NEDD4: variants seen among roughly 807,000 people sequenced by gnomAD.
NEDD4 encodes NEDD4 E3 ubiquitin protein ligase.
NEDD4 carries 99 observed loss-of-function variants against 144.9 expected under a neutral mutation model. That is an observed-to-expected ratio of 0.68 (90% CI 0.58 to 0.81). The LOEUF (loss-of-function observed/expected upper bound fraction) is 0.81, where lower values mean the gene tolerates loss of function less well. Ranked by LOEUF, NEDD4 falls within the 30% of genes least tolerant of loss-of-function variation. The pLI, the probability that NEDD4 is intolerant of heterozygous loss-of-function variation, is 0.00. For synonymous variants in NEDD4, 318 were observed against 350.6 expected, an observed-to-expected ratio of 0.91 and a Z score of 1.04; for missense variants, 985 against 1,065.9, an observed-to-expected ratio of 0.92 and a Z score of 1.06.
At chr15:55,856,907 A>C (rs34965600) in intron 11 of NEDD4, among the ~76,000 whole-genome samples, 6,669 of 152,334 alleles carry the variant, frequency 0.044, 244 homozygotes, top group East Asian at 0.17. Flanking sequence ...TTGAATCAGA[A>C]TATCCACTGT....
chr15:55,916,329 T>C, intron 5 of NEDD4: 1 of 1,614,002 alleles, frequency 6.2e-7, no homozygotes, highest in Non-Finnish European at 8.5e-7. Context: ...TGACCCAAAA[T>C]CACTACCGTT....
intron 4 of NEDD4, among the ~76,000 whole-genome samples, chr15:55,936,795 C>CTTT (rs762982574): frequency 1.4e-5 from 2 of 141,464 alleles, no homozygotes; most frequent in Non-Finnish European, 3.1e-5. Flanking sequence ...TATTTCTTTT[C>CTTT]TTTTTTTTTT....
At position 55,925,964 on chromosome 15, in the gene NEDD4, G is replaced by GTAAAATACATATCA. The variant is rs2036654799; in HGVS notation, c.238-1266_238-1265insTGATATGTATTTTA. Among the ~76,000 whole-genome samples, 3 of 150,644 alleles carry GTAAAATACATATCA rather than the reference G, an allele frequency of 2.0e-5. No individual in the cohort carries two copies. The South Asian group carries it at 6.3e-4, about 31-fold the overall frequency. On this transcript the variant is annotated intron_variant, in intron 4 of 28. Coordinates refer to ENST00000435532, the MANE Select transcript of NEDD4 (RefSeq NM_006154.4). ...ATATACATACTGTATCATACAGTAT[G>GTAAAATACATATCA]TATATGTAAAAATACATATACATAT...
intron 2 of NEDD4, among the ~76,000 whole-genome samples, chr15:55,959,552 T>G (rs2037393331): frequency 6.6e-6 from 1 of 152,246 alleles, no homozygotes; most frequent in Non-Finnish European, 1.5e-5. Flanking sequence ...TCATGTTCTT[T>G]GTGTTCCTCT....
intron 24 of NEDD4, among the ~76,000 whole-genome samples, chr15:55,835,426 T>TG (rs1461228374): frequency 2.3e-5 from 3 of 132,670 alleles, no homozygotes; most frequent in Non-Finnish European, 5.0e-5. Context: ...TTCTGTTTTT[T>TG]TTTTTTTTTT....
At chr15:55,964,497 C>T (rs906983532) in intron 2 of NEDD4, among the ~76,000 whole-genome samples, 1 of 151,874 alleles carries the variant, frequency 6.6e-6, no homozygotes, top group East Asian at 1.9e-4. Flanking sequence ...GTTTCCATTT[C>T]ATTTCATATT....
intron 5 of NEDD4, among the ~76,000 whole-genome samples, chr15:55,909,952 C>T (rs1380417304): frequency 2.0e-5 from 3 of 152,202 alleles, no homozygotes; most frequent in Non-Finnish European, 2.9e-5. Context: ...TATTCATAAG[C>T]GATTTCAAGT....
chr15:55,989,051 C>T (rs1396465886), intron 1 of NEDD4, among the ~76,000 whole-genome samples: 2 of 152,126 alleles, frequency 1.3e-5, no homozygotes, highest in African/African-American at 2.4e-5. Flanking sequence ...GCCTGGCCAA[C>T]ATGGTAAAAC....
chr15:55,957,831 G>A (rs28863270), intron 2 of NEDD4, among the ~76,000 whole-genome samples: 45,829 of 151,992 alleles, frequency 0.3, 7,052 homozygotes, highest in South Asian at 0.38. Context: ...AGGGACATGG[G>A]TGAAGCTGGA....
At chr15:55,904,465 G>T (rs2036020835) in intron 5 of NEDD4, among the ~76,000 whole-genome samples, 1 of 151,934 alleles carries the variant, frequency 6.6e-6, no homozygotes, top group Non-Finnish European at 1.5e-5. Context: ...AACACGCCTG[G>T]CTAATTTTTC....
In NEDD4 at chr15:55,993,568, C is replaced by G. The variant is rs767137062; in HGVS notation, c.-13G>C. Reference sequence around the variant, plus strand: ...CGCAAGTTGCCATTTCCGAACGCTTCCAGCAAACCGGACGCGCTCGCCCCC... The same window carrying G: ...CGCAAGTTGCCATTTCCGAACGCTTGCAGCAAACCGGACGCGCTCGCCCCC... On this transcript the variant is annotated 5_prime_UTR_variant, in exon 1 of 29. Coordinates refer to ENST00000435532, the MANE Select transcript of NEDD4 (RefSeq NM_006154.4). 1.1e-5 allele frequency: 17 copies of G among 1,591,346 alleles called. No homozygotes were observed. The highest frequency in any genetic ancestry group is 1.4e-5 in the Non-Finnish European group (16 of 1,171,594).
At chr15:55,935,459 A>G (rs2036867096) in intron 4 of NEDD4, among the ~76,000 whole-genome samples, 1 of 152,154 alleles carries the variant, frequency 6.6e-6, no homozygotes. Flanking sequence ...TTCCTCACCA[A>G]CAATGGGGTA....
At chr15:55,943,421 C>T (rs2142281173) in intron 4 of NEDD4, among the ~76,000 whole-genome samples, 1 of 152,298 alleles carries the variant, frequency 6.6e-6, no homozygotes, top group South Asian at 2.1e-4. Flanking sequence ...GGCCCTGCTG[C>T]CCTACACAAC....
At chr15:55,861,404 C>A (rs1259160522) in intron 9 of NEDD4, among the ~76,000 whole-genome samples, 2 of 151,586 alleles carry the variant, frequency 1.3e-5, no homozygotes, top group African/African-American at 4.9e-5. Flanking sequence ...AGGAGAGGTA[C>A]AATAAATCAG....
chr15:55,922,733 A>G (rs1595847688), intron 5 of NEDD4, among the ~76,000 whole-genome samples: 1 of 152,320 alleles, frequency 6.6e-6, no homozygotes, highest in East Asian at 1.9e-4. Context: ...TGATAAAAAC[A>G]AAATTGAGGA....
chr15:55,836,753 C>T (rs1181325398), intron 24 of NEDD4, among the ~76,000 whole-genome samples: 2 of 152,170 alleles, frequency 1.3e-5, no homozygotes, highest in African/African-American at 4.8e-5. Flanking sequence ...GTCTCAAACT[C>T]CTGACCTCAG....
chr15:55,852,778 C>G (rs1386192078), intron 12 of NEDD4, among the ~76,000 whole-genome samples: 20 of 150,388 alleles, frequency 1.3e-4, no homozygotes, highest in Middle Eastern at 6.9e-3. Flanking sequence ...GAGACAGGGT[C>G]TTGCTCTGTT....
At chr15:55,893,353 A>C (rs1422998865) in intron 5 of NEDD4, among the ~76,000 whole-genome samples, 1 of 152,042 alleles carries the variant, frequency 6.6e-6, no homozygotes, top group Non-Finnish European at 1.5e-5. Flanking sequence ...AATTGAAAGA[A>C]TTTACAGCCA....
rs970654046 is a variant in NEDD4, at chr15:55,924,816, C to T, written c.238-117G>A. On this transcript the variant is annotated intron_variant, in intron 4 of 28. Coordinates refer to ENST00000435532, the MANE Select transcript of NEDD4 (RefSeq NM_006154.4). ...GGCATGGTGGCTCATGCCTGTAATC[C>T]CAGCACTTTGGGAGGCCGAGGTGGG... The T allele has an allele frequency of 2.8e-5, 28 of 1,005,204 alleles. No individual in the cohort carries two copies. In the African/African-American group the frequency reaches 4.2e-4, roughly 15 times the overall value. The allele number at this position is 1,005,204 out of a possible 1,614,324, so 62.3% of individuals were successfully genotyped here. A position where few individuals can be genotyped will look rare whatever the true frequency, so the allele number is the denominator to read the frequency against.
Sources: gnomAD v4.1 joint callset for allele counts (sites outside exome capture counted in the v4.1 genomes callset) on GRCh38, gnomAD v4.1.1 for gene constraint, MANE v1.5 for transcripts, NCBI Gene and HGNC (gene_info 2026-07-23, HGNC 2026-07-21) for gene names.